MYCBP2: variants seen among roughly 807,000 people sequenced by gnomAD.
MYCBP2 encodes E3 ubiquitin-protein ligase MYCBP2.
A neutral mutation model predicts 525.3 loss-of-function variants in MYCBP2; 120 were observed. The ratio of observed to expected loss-of-function variants is 0.23; its 90% confidence interval spans 0.20 to 0.27. The LOEUF (loss-of-function observed/expected upper bound fraction) is 0.27, where lower values mean the gene tolerates loss of function less well. MYCBP2 is among the 10% of genes least tolerant of loss of function. The probability of loss-of-function intolerance (pLI) is 1.00; values close to 1 mark genes in which losing one functional copy is unlikely to be tolerated. For missense variants in MYCBP2, 4,149 were observed against 5,657.1 expected (o/e 0.73, Z 8.55); for synonymous variants, 1,894 against 1,955.8 (o/e 0.97, Z 0.83).
At chr13:77,257,554 A>T in intron 14 of MYCBP2, 117 bp downstream of exon 14, 1 of 1,090,898 alleles carries the variant, frequency 9.2e-7, no homozygotes, top group Non-Finnish European at 1.3e-6. Flanking sequence ...TTAAATAGGA[A>T]CAAAAAGAAA....
chr13:77,238,461 T>A (rs1017613298), intron 17 of MYCBP2, among the ~76,000 whole-genome samples: 3 of 152,092 alleles, frequency 2.0e-5, no homozygotes, highest in African/African-American at 7.2e-5. Context: ...ATTGATATGA[T>A]CATCCACTAG....
At chr13:77,314,168 G>T (rs1003714439) in intron 1 of MYCBP2, among the ~76,000 whole-genome samples, 1 of 152,158 alleles carries the variant, frequency 6.6e-6, no homozygotes, top group African/African-American at 2.4e-5. Flanking sequence ...TAACCCAAAG[G>T]AGCTGAAAAC....
intron 1 of MYCBP2, among the ~76,000 whole-genome samples, chr13:77,304,552 A>G (rs959462785): frequency 6.6e-5 from 10 of 152,190 alleles, no homozygotes; most frequent in Non-Finnish European, 1.3e-4. Context: ...CAGGGTGACT[A>G]TCATAAACAA....
chr13:77,168,473 T>C lies in MYCBP2; in HGVS notation c.6069A>G (p.Ile2023Met). ...CAGGTTTATACGGGTGCTCACTCTCTATGACAGCATAGTGACTGGAGGTTG... is the reference window on the plus strand; with the variant it reads ...CAGGTTTATACGGGTGCTCACTCTCCATGACAGCATAGTGACTGGAGGTTG... ...ACTTSSHYAV[I>M]ESEHPYKPAC... Residue 2023 changes from isoleucine to methionine, a missense_variant, in exon 40 of 83, where the codon ATA becomes ATG. Physicochemically the swap from Ile to Met is conservative, Grantham distance 10. Transcript: ENST00000544440. 6.2e-7 allele frequency: 1 copy of C among 1,614,136 alleles called. No individual in the cohort carries two copies. Among genetic ancestry groups the C allele is most frequent in the Non-Finnish European group, 8.5e-7 (1 of 1,180,036 alleles).
Position 77,140,902 on chromosome 13 carries a change from T to C in MYCBP2, c.7345A>G (p.Met2449Val). The C allele has an allele frequency of 6.2e-7, 1 of 1,613,016 alleles. No homozygotes were observed. The highest frequency in any genetic ancestry group is 2.2e-5 in the East Asian group (1 of 44,756). The change falls in exon 50 of 83, where the codon ATG becomes GTG. Residue 2449 changes from methionine (M) to valine (V), a missense_variant. By Grantham distance (21) the Met-to-Val change is conservative. Coordinates refer to ENST00000544440, the MANE Select transcript of MYCBP2 (RefSeq NM_015057.5). Reference protein sequence around the residue: ...EVKVKDPPKGMIPPGTQLVKP... With the variant: ...EVKVKDPPKGVIPPGTQLVKP... ...ACCAACTGAGTTCCTGGTGGTATCA[T>C]CCCTTTTGGTGGGTCTTTTACTTTT...
At chr13:77,070,859 T>G (rs2041098712) in intron 68 of MYCBP2, 148 bp from the exon 69 acceptor site, 1 of 490,428 alleles carries the variant, frequency 2.0e-6, no homozygotes, top group African/African-American at 2.0e-5. Flanking sequence ...CTTATAATAC[T>G]AAGACAAAGG....
At chr13:77,216,338 C>A (rs1439127098) in intron 21 of MYCBP2, among the ~76,000 whole-genome samples, 1 of 152,084 alleles carries the variant, frequency 6.6e-6, no homozygotes, top group African/African-American at 2.4e-5. Context: ...AAAAAATCAC[C>A]ATTTTTTAAA....
intron 55 of MYCBP2, among the ~76,000 whole-genome samples, chr13:77,115,058 C>A (rs970090586): frequency 2.0e-5 from 3 of 151,840 alleles, no homozygotes; most frequent in Non-Finnish European, 2.9e-5. Context: ...GAAATAAATT[C>A]TCTTCTTTGA....
intron 30 of MYCBP2, among the ~76,000 whole-genome samples, chr13:77,188,189 A>G (rs574302115): frequency 1.2e-4 from 18 of 152,118 alleles, no homozygotes; most frequent in African/African-American, 4.3e-4. Flanking sequence ...GGATACTTTT[A>G]TCTCATTCCT....
At chr13:77,110,896 C>T (rs1594633738) in intron 55 of MYCBP2, among the ~76,000 whole-genome samples, 1 of 152,124 alleles carries the variant, frequency 6.6e-6, no homozygotes, top group African/African-American at 2.4e-5. Flanking sequence ...AGCTGGATAA[C>T]TTCTTAGGCC....
intron 26 of MYCBP2, among the ~76,000 whole-genome samples, chr13:77,201,654 C>G (rs2062581877): frequency 6.6e-6 from 1 of 150,720 alleles, no homozygotes; most frequent in African/African-American, 2.4e-5. Flanking sequence ...TAAAGCTCTC[C>G]TCAGCAAATG....
At chr13:77,119,106 G>C (rs1445623379) in intron 55 of MYCBP2, among the ~76,000 whole-genome samples, 2 of 152,120 alleles carry the variant, frequency 1.3e-5, no homozygotes, top group African/African-American at 4.8e-5. Flanking sequence ...TTAAAAATCT[G>C]TAAGTCCTAT....
chr13:77,072,267 G>A lies in MYCBP2; in HGVS notation c.11824-1556C>T, dbSNP rs146861129. ...GATTGCACCACTGCACTCCAGCCTGGGCGACAGGGCAAGACTCCATTTCAA... is the reference window on the plus strand; with the variant it reads ...GATTGCACCACTGCACTCCAGCCTGAGCGACAGGGCAAGACTCCATTTCAA... On this transcript the variant is annotated intron_variant, in intron 68 of 82. Coordinates refer to ENST00000544440, the MANE Select transcript of MYCBP2 (RefSeq NM_015057.5). Among the ~76,000 whole-genome samples, 1,371 of 149,214 alleles carry A rather than the reference G, an allele frequency of 9.2e-3. 23 individuals carry two copies. The highest frequency in any genetic ancestry group is 0.032 in the African/African-American group (1,279 of 40,370).
intron 1 of MYCBP2, among the ~76,000 whole-genome samples, chr13:77,311,816 T>C (rs1434817552): frequency 6.6e-6 from 1 of 151,992 alleles, no homozygotes; most frequent in African/African-American, 2.4e-5. Flanking sequence ...CACTAGAATT[T>C]TGTAAGGTCA....
rs952852953 is a variant in MYCBP2 at position 77,283,465 on chromosome 13, A to G, written c.595-4554T>C. 2.0e-5 allele frequency among the ~76,000 whole-genome samples: 3 copies of G among 152,332 alleles called. No individual in the cohort carries two copies. In the South Asian group the frequency reaches 6.2e-4, roughly 32 times the overall value. On this transcript the variant is annotated intron_variant, in intron 3 of 82. Transcript: ENST00000544440. The stretch of plus-strand genomic sequence containing the variant: ...TCCTTTTGTTCTCAGGACCTAATAT[A>G]ATGCTGGCTACAAATTCAAAAAGAA...
chr13:77,325,726 G>C (rs1405545827), intron 1 of MYCBP2, among the ~76,000 whole-genome samples: 1 of 152,164 alleles, frequency 6.6e-6, no homozygotes. Context: ...ATCGAACAGA[G>C]GATGAAGAGA....
At chr13:77,080,328 T>C (rs982734082) in intron 65 of MYCBP2, among the ~76,000 whole-genome samples, 4 of 152,114 alleles carry the variant, frequency 2.6e-5, no homozygotes, top group Non-Finnish European at 5.9e-5. Context: ...AAAGGAAATA[T>C]GCAAATGGCA....
At chr13:77,282,364 C>G (rs1358979812) in intron 3 of MYCBP2, among the ~76,000 whole-genome samples, 1 of 150,726 alleles carries the variant, frequency 6.6e-6, no homozygotes, top group African/African-American at 2.4e-5. Context: ...GAGCCAAGAT[C>G]GTGCCACTGC....
intron 1 of MYCBP2, among the ~76,000 whole-genome samples, chr13:77,322,613 C>G (rs949052140): frequency 6.6e-6 from 1 of 152,174 alleles, no homozygotes; most frequent in Non-Finnish European, 1.5e-5. Flanking sequence ...TTACCAGGTG[C>G]GGACATAATG....
Sources: gnomAD v4.1 joint callset for allele counts (sites outside exome capture counted in the v4.1 genomes callset) on GRCh38, gnomAD v4.1.1 for gene constraint, MANE v1.5 for transcripts, NCBI Gene and HGNC (gene_info 2026-07-23, HGNC 2026-07-21) for gene names.